Variants in MCF2L2 observed in about 807,000 individuals in gnomAD.
MCF2L2 encodes probable guanine nucleotide exchange factor MCF2L2.
MCF2L2 carries 102 observed loss-of-function variants against 150.2 expected under a neutral mutation model. That is an observed-to-expected ratio of 0.68 (90% CI 0.58 to 0.80). The LOEUF is 0.80. Ranked by LOEUF, MCF2L2 falls within the 30% of genes least tolerant of loss-of-function variation. The pLI, the probability that MCF2L2 is intolerant of heterozygous loss-of-function variation, is 0.00. For missense variants in MCF2L2, 1,256 were observed against 1,372.8 expected, an observed-to-expected ratio of 0.91 and a Z score of 1.34; for synonymous variants, 465 against 491.3, an observed-to-expected ratio of 0.95 and a Z score of 0.71.
Position 183,179,408 on chromosome 3 carries a change from C to A in MCF2L2, c.3317G>T (p.Arg1106Leu). 1 of 1,560,298 alleles carries A rather than the reference C, an allele frequency of 6.4e-7. No homozygotes were observed. The highest frequency in any genetic ancestry group is 8.7e-7 in the Non-Finnish European group (1 of 1,152,060). The change falls in exon 30 of 30, where the codon CGC becomes CTC. Residue 1106 changes from arginine (R) to leucine (L), a missense_variant. Transcript: ENST00000328913. This position sits in a 1 kb window ranked among gnomAD's most constrained non-coding sequence, Gnocchi z 4.2. ...ATAGFQARAL[R>L]PRTSAQES Reference sequence around the variant, plus strand: ...GCTCTCCTGGGCGGAGGTCCTCGGGCGCAGCGCCCTCGCCTGGAAACCAGC... The same window carrying A: ...GCTCTCCTGGGCGGAGGTCCTCGGGAGCAGCGCCCTCGCCTGGAAACCAGC...
At chr3:183,258,117 T>A (rs561391993) in intron 15 of MCF2L2, among the ~76,000 whole-genome samples, 2 of 151,710 alleles carry the variant, frequency 1.3e-5, no homozygotes, top group African/African-American at 2.4e-5. Flanking sequence ...ACAGGCATGC[T>A]CCACCACACC....
chr3:183,292,819 G>A (rs77732927), intron 13 of MCF2L2, among the ~76,000 whole-genome samples: 2,435 of 152,126 alleles, frequency 0.016, 69 homozygotes, highest in African/African-American at 0.056. Flanking sequence ...GACAAGTTAA[G>A]GATGCATATG....
At chr3:183,224,062 C>T (rs1387546469) in intron 19 of MCF2L2, 36 bp downstream of exon 19, 10 of 1,516,230 alleles carry the variant, frequency 6.6e-6, no homozygotes, top group African/African-American at 1.4e-5. Context: ...TGCATAGAAA[C>T]ATTTTCCAGG....
chr3:183,239,784 T>A (rs1723929248), intron 15 of MCF2L2, among the ~76,000 whole-genome samples: 1 of 152,190 alleles, frequency 6.6e-6, no homozygotes, highest in Non-Finnish European at 1.5e-5. Flanking sequence ...CAGGCTTCTG[T>A]CCTTCCTGTT....
At chr3:183,277,954 G>A (rs1162227018) in intron 14 of MCF2L2, among the ~76,000 whole-genome samples, 1 of 147,902 alleles carries the variant, frequency 6.8e-6, no homozygotes, top group Non-Finnish European at 1.5e-5. Context: ...GGAGGCTGAG[G>A]TCAGTGGATC....
At chr3:183,238,465 T>C (rs1723843753) in intron 15 of MCF2L2, among the ~76,000 whole-genome samples, 1 of 151,652 alleles carries the variant, frequency 6.6e-6, no homozygotes, top group Non-Finnish European at 1.5e-5. Context: ...CAGCTAACTT[T>C]TTGTATTTTT....
At chr3:183,342,389 C>T (rs1730735555) in intron 3 of MCF2L2, among the ~76,000 whole-genome samples, 1 of 152,078 alleles carries the variant, frequency 6.6e-6, no homozygotes, top group South Asian at 2.1e-4. Context: ...TTCTAAAATC[C>T]GGTGCTCTTC....
chr3:183,326,218 G>A (rs73070011), intron 5 of MCF2L2, among the ~76,000 whole-genome samples: 35,177 of 151,950 alleles, frequency 0.23, 4,643 homozygotes, highest in African/African-American at 0.35. Flanking sequence ...GAGGCTGGGC[G>A]CAGTGACTCA....
chr3:183,189,536 C>T (rs190885837), intron 27 of MCF2L2, among the ~76,000 whole-genome samples: 1 of 152,302 alleles, frequency 6.6e-6, no homozygotes, highest in East Asian at 1.9e-4. Flanking sequence ...TTCCCCCAGC[C>T]AGGCCCTAGC....
In MCF2L2 at chr3:183,231,298, T is replaced by G. The variant is rs1036235281; in HGVS notation, c.1863-281A>C. On this transcript the variant is annotated intron_variant, in intron 15 of 29. Transcript: ENST00000328913. ...TGACCTGTCCTCTGGGTGGGCCATATAGTGTGGGGGTCAAGAAGGGAGATG... is the reference window on the plus strand; with the variant it reads ...TGACCTGTCCTCTGGGTGGGCCATAGAGTGTGGGGGTCAAGAAGGGAGATG... 7 of 556,134 alleles carry G rather than the reference T, an allele frequency of 1.3e-5. No homozygotes were observed. In the African/African-American group the frequency reaches 1.3e-4, roughly 10 times the overall value. 34.4% of individuals were successfully genotyped at this position (556,134 alleles called of 1,614,324 possible).
At chr3:183,249,117 A>C (rs769045981) in intron 15 of MCF2L2, among the ~76,000 whole-genome samples, 3 of 152,212 alleles carry the variant, frequency 2.0e-5, no homozygotes, top group Non-Finnish European at 4.4e-5. Flanking sequence ...TCAGCACTCA[A>C]GATTGTTCCT....
chr3:183,318,296 T>A, intron 6 of MCF2L2, 79 bp from the exon 7 acceptor site: 1 of 1,495,896 alleles, frequency 6.7e-7, no homozygotes, highest in Non-Finnish European at 9.3e-7. Flanking sequence ...GACAACAGAT[T>A]TAGTTGATAA....
At chr3:183,377,377 CT>C (rs1713249781) in intron 3 of MCF2L2, 1 of 152,142 alleles carries the variant, frequency 6.6e-6, no homozygotes. Flanking sequence ...TGAACTCATT[CT>C]TTTTTATGGC....
At chr3:183,351,270 A>C (rs1711501467) in intron 3 of MCF2L2, among the ~76,000 whole-genome samples, 1 of 126,674 alleles carries the variant, frequency 7.9e-6, no homozygotes, top group South Asian at 2.7e-4. Flanking sequence ...CCCAGGGCTC[A>C]AGCAATCCTC....
intron 3 of MCF2L2, among the ~76,000 whole-genome samples, chr3:183,342,010 A>G (rs1730719242): frequency 6.6e-6 from 1 of 152,248 alleles, no homozygotes; most frequent in Non-Finnish European, 1.5e-5. Flanking sequence ...CTATCAGTAC[A>G]GTAACACGCT....
Position 183,179,785 on chromosome 3 carries a change from C to T in MCF2L2, c.3106-93G>A, listed in dbSNP as rs1721453418. The stretch of plus-strand genomic sequence containing the variant: ...GGTGACTCCCGCTGGCAGGCTGAGG[C>T]CCACCCCAGCCCTCCCACCTGGGCC... On this transcript the variant is annotated intron_variant, in intron 28 of 29. Transcript: ENST00000328913. This position sits in a 1 kb window ranked among gnomAD's most constrained non-coding sequence, Gnocchi z 4.2. 9.2e-7 allele frequency: 1 copy of T among 1,088,554 alleles called. No homozygotes were observed. Among genetic ancestry groups the T allele is most frequent in the African/African-American group, 1.6e-5 (1 of 63,950 alleles). The allele number at this position is 1,088,554 out of a possible 1,614,324, so 67.4% of individuals were successfully genotyped here.
intron 3 of MCF2L2, chr3:183,376,175 C>T (rs1343342479): frequency 6.6e-6 from 1 of 152,246 alleles, no homozygotes; most frequent in Non-Finnish European, 1.5e-5. Flanking sequence ...ACAGAAGCCC[C>T]TGTTTGATCT....
At chr3:183,264,780 G>C (rs1725939093) in intron 15 of MCF2L2, among the ~76,000 whole-genome samples, 1 of 152,186 alleles carries the variant, frequency 6.6e-6, no homozygotes, top group Non-Finnish European at 1.5e-5. Flanking sequence ...TGTAGCCTTT[G>C]GGTGTTCTAA....
At chr3:183,322,987 G>T (rs1413003772) in intron 6 of MCF2L2, among the ~76,000 whole-genome samples, 1 of 152,212 alleles carries the variant, frequency 6.6e-6, no homozygotes, top group African/African-American at 2.4e-5. Context: ...CTTCCCAGGT[G>T]CATTCGAAGG....
Sources: allele counts gnomAD v4.1 joint callset (sites outside exome capture counted in the v4.1 genomes callset), GRCh38; gene constraint gnomAD v4.1.1; non-coding constraint Gnocchi (gnomAD v3.1); transcripts MANE v1.5; gene names NCBI Gene and HGNC (gene_info 2026-07-23, HGNC 2026-07-21).